Variants in CADM1 observed in about 807,000 individuals in gnomAD.
The protein encoded by CADM1 is cell adhesion molecule 1, also known as TSLC-1.
Under a neutral mutation model 53.1 loss-of-function variants are expected in CADM1, and 15 were observed. The observed-to-expected ratio is 0.28, with a 90% CI of 0.19 to 0.44. CADM1 has a LOEUF of 0.44. CADM1 is among the 20% of genes least tolerant of loss of function. The probability of loss-of-function intolerance (pLI) is 1.00; values close to 1 mark genes in which losing one functional copy is unlikely to be tolerated. For synonymous variants in CADM1, 281 were observed against 243.0 expected, an observed-to-expected ratio of 1.16 and a Z score of -1.45; for missense variants, 434 against 611.3, an observed-to-expected ratio of 0.71 and a Z score of 3.06.
intron 1 of CADM1, among the ~76,000 whole-genome samples, chr11:115,445,321 C>T (rs1253281239): frequency 6.6e-6 from 1 of 152,130 alleles, no homozygotes; most frequent in African/African-American, 2.4e-5. Flanking sequence ...ACTTACAGCT[C>T]AGGACCGTGG....
intron 10 of CADM1, among the ~76,000 whole-genome samples, chr11:115,182,436 T>C (rs945492767): frequency 3.9e-5 from 6 of 152,230 alleles, no homozygotes; most frequent in Non-Finnish European, 7.3e-5. Flanking sequence ...GCCATGTTTT[T>C]GCTTGGTGAA....
chr11:115,213,272 A>T (rs1348453514), intron 7 of CADM1, among the ~76,000 whole-genome samples: 1 of 152,234 alleles, frequency 6.6e-6, no homozygotes, highest in Non-Finnish European at 1.5e-5. Context: ...GCATATCGCC[A>T]GCTGAAAACG....
rs149592989 is a variant in CADM1, at chr11:115,424,647, C to T, written c.124+79624G>A. ...AGTTCAACAATTCTCCAGCCTCAGC[C>T]TCCCAAGTATCTGAGATTACAGATG... On this transcript the variant is annotated intron_variant, in intron 1 of 11. Transcript: ENST00000331581. 2.2e-3 allele frequency among the ~76,000 whole-genome samples: 342 copies of T among 152,220 alleles called. 5 individuals are homozygous for T. Among genetic ancestry groups the T allele is most frequent in the African/African-American group, 7.9e-3 (326 of 41,510 alleles).
chr11:115,391,237 TAAAG>T (rs1278212152), intron 1 of CADM1, among the ~76,000 whole-genome samples: 2 of 152,178 alleles, frequency 1.3e-5, no homozygotes, highest in East Asian at 1.9e-4. Context: ...TGAACAAAAA[TAAAG>T]AACTTCTCTG....
chr11:115,503,488 G>A (rs1949778172), intron 1 of CADM1, among the ~76,000 whole-genome samples: 1 of 152,120 alleles, frequency 6.6e-6, no homozygotes, highest in Non-Finnish European at 1.5e-5. Flanking sequence ...GTCCCCACTC[G>A]TGGCAGAGGA....
intron 1 of CADM1, among the ~76,000 whole-genome samples, chr11:115,332,039 A>T (rs934749091): frequency 6.6e-6 from 1 of 152,130 alleles, no homozygotes; most frequent in African/African-American, 2.4e-5. Flanking sequence ...ACAGTCGGGG[A>T]AAAAAACAGG....
intron 1 of CADM1, among the ~76,000 whole-genome samples, chr11:115,348,883 C>G (rs1945652686): frequency 6.6e-6 from 1 of 152,054 alleles, no homozygotes; most frequent in Non-Finnish European, 1.5e-5. Context: ...GGTCATGGGC[C>G]TCTGAAGTTT....
At chr11:115,278,239 G>A (rs569080400) in intron 1 of CADM1, among the ~76,000 whole-genome samples, 3 of 152,208 alleles carry the variant, frequency 2.0e-5, no homozygotes, top group South Asian at 2.1e-4. Context: ...TAAACACTTC[G>A]AACAGTAACT....
At chr11:115,189,836 A>T (rs1202094658) in intron 10 of CADM1, among the ~76,000 whole-genome samples, 1 of 152,226 alleles carries the variant, frequency 6.6e-6, no homozygotes, top group East Asian at 1.9e-4. Context: ...TAAATCCGAC[A>T]GCTAAACTCA....
At chr11:115,231,595 T>C (rs2134858711) in intron 3 of CADM1, 105 bp from the exon 4 acceptor site, 1 of 1,056,444 alleles carries the variant, frequency 9.5e-7, no homozygotes, top group East Asian at 2.4e-5. Context: ...ATTTAAATCA[T>C]CACAAGAGGC....
intron 1 of CADM1, among the ~76,000 whole-genome samples, chr11:115,442,534 GT>G (rs1948341385): frequency 6.6e-6 from 1 of 152,174 alleles, no homozygotes; most frequent in African/African-American, 2.4e-5. Flanking sequence ...AAGACCTAAT[GT>G]AGCCTTAAAA....
chr11:115,224,158 T>A (rs768890591), intron 5 of CADM1, among the ~76,000 whole-genome samples: 2 of 152,098 alleles, frequency 1.3e-5, no homozygotes, highest in Non-Finnish European at 2.9e-5. Context: ...ATTTTCTGAT[T>A]TCCAGGTTTT....
chr11:115,210,277 T>C (rs140696202), intron 7 of CADM1, among the ~76,000 whole-genome samples: 1 of 152,342 alleles, frequency 6.6e-6, no homozygotes, highest in East Asian at 1.9e-4. Flanking sequence ...AGTCAATAAA[T>C]TTTACAACTT....
chr11:115,198,985 G>C (rs928958649), intron 8 of CADM1, among the ~76,000 whole-genome samples: 1 of 152,202 alleles, frequency 6.6e-6, no homozygotes, highest in Non-Finnish European at 1.5e-5. Context: ...TAGATGAATA[G>C]ACAGGTTTAA....
intron 1 of CADM1, among the ~76,000 whole-genome samples, chr11:115,456,959 A>G (rs968226741): frequency 3.3e-5 from 5 of 152,262 alleles, no homozygotes; most frequent in Non-Finnish European, 7.4e-5. Context: ...CCAGACTATC[A>G]GCTCAGTAAG....
Position 115,175,900 on chromosome 11 carries a change from G to A in CADM1, c.*574C>T. 1.0e-6 allele frequency: 1 copy of A among 995,478 alleles called. No homozygotes were observed. Among genetic ancestry groups the A allele is most frequent in the South Asian group, 4.5e-5 (1 of 22,352 alleles). The allele number at this position is 995,478 out of a possible 1,614,324, so 61.7% of individuals were successfully genotyped here. A position where few individuals can be genotyped will look rare whatever the true frequency, so the allele number is the denominator to read the frequency against. ...CCCAAATCTTTACGACAACAGAGAAGAATGCATTATGGATACACTAAATTC... is the reference window on the plus strand; with the variant it reads ...CCCAAATCTTTACGACAACAGAGAAAAATGCATTATGGATACACTAAATTC... On this transcript the variant is annotated 3_prime_UTR_variant, in exon 12 of 12. Transcript: ENST00000331581.
intron 1 of CADM1, among the ~76,000 whole-genome samples, chr11:115,245,136 G>T (rs549968368): frequency 6.6e-6 from 1 of 152,314 alleles, no homozygotes; most frequent in Admixed American, 6.5e-5. Context: ...TCTTCACAGG[G>T]AAGACAGTTT....
intron 1 of CADM1, among the ~76,000 whole-genome samples, chr11:115,283,791 C>T (rs929882759): frequency 6.6e-6 from 1 of 152,164 alleles, no homozygotes; most frequent in African/African-American, 2.4e-5. Flanking sequence ...TCCCACAGGG[C>T]CCTGTGCCAC....
rs572841835 is a variant in CADM1 at position 115,355,429 on chromosome 11, G to A, written c.125-115009C>T. ...AGTGATGAGAACACATGGATGCAACGCAAAAAGGAGAACAACAGACACTGG... is the reference window on the plus strand; with the variant it reads ...AGTGATGAGAACACATGGATGCAACACAAAAAGGAGAACAACAGACACTGG... On this transcript the variant is annotated intron_variant, in intron 1 of 11. Coordinates refer to ENST00000331581, the MANE Select transcript of CADM1 (RefSeq NM_001301043.2). 4.6e-5 allele frequency among the ~76,000 whole-genome samples: 7 copies of A among 152,166 alleles called. 1 individual carries two copies. Among genetic ancestry groups the A allele is most frequent in the South Asian group, 4.1e-4 (2 of 4,822 alleles).
Sources: gnomAD v4.1 joint callset for allele counts (sites outside exome capture counted in the v4.1 genomes callset) on GRCh38, gnomAD v4.1.1 for gene constraint, MANE v1.5 for transcripts, NCBI Gene and HGNC (gene_info 2026-07-23, HGNC 2026-07-21) for gene names.